The following CAMK2D variants were observed in gnomAD, a reference collection of about 807,000 sequenced individuals.
CAMK2D encodes the protein calcium/calmodulin-dependent protein kinase type II subunit delta.
In CAMK2D, 37 loss-of-function variants were observed where a neutral mutation model predicts 84.0. The ratio of observed to expected loss-of-function variants is 0.44; its 90% CI spans 0.34 to 0.58. The LOEUF (loss-of-function observed/expected upper bound fraction) is 0.58, where lower values mean the gene tolerates loss of function less well. Ranked by LOEUF, CAMK2D falls within the 20% of genes least tolerant of loss-of-function variation. The probability of loss-of-function intolerance (pLI) is 0.02; values close to 1 mark genes in which losing one functional copy is unlikely to be tolerated. For synonymous variants in CAMK2D, 202 were observed against 212.5 expected (o/e 0.95, Z 0.43); for missense variants, 448 against 652.5 (o/e 0.69, Z 3.41).
At chr4:113,622,813 G>T (rs2099051721) in intron 3 of CAMK2D, among the ~76,000 whole-genome samples, 1 of 152,128 alleles carries the variant, frequency 6.6e-6, no homozygotes, top group African/African-American at 2.4e-5. Flanking sequence ...ATGGCCAAAA[G>T]AACACATGTC....
At chr4:113,553,865 C>CT (rs2098646530) in intron 4 of CAMK2D, among the ~76,000 whole-genome samples, 1 of 152,128 alleles carries the variant, frequency 6.6e-6, no homozygotes, top group Admixed American at 6.6e-5. Flanking sequence ...ACAAAAAACA[C>CT]TTTCAACAAG....
intron 4 of CAMK2D, among the ~76,000 whole-genome samples, chr4:113,558,946 C>A (rs1254537077): frequency 1.3e-5 from 2 of 152,082 alleles, no homozygotes; most frequent in Non-Finnish European, 2.9e-5. Flanking sequence ...CGTACCACTG[C>A]ACTCCAGCCT....
intron 4 of CAMK2D, among the ~76,000 whole-genome samples, chr4:113,571,486 C>T (rs1396564034): frequency 6.6e-6 from 1 of 152,106 alleles, no homozygotes; most frequent in East Asian, 1.9e-4. Flanking sequence ...TTTGTAAAAA[C>T]ATGGATGGCC....
intron 4 of CAMK2D, among the ~76,000 whole-genome samples, chr4:113,560,743 A>T (rs1484738971): frequency 6.6e-6 from 1 of 152,190 alleles, no homozygotes. Context: ...GAAGGCTGGG[A>T]GTCTTGCTGC....
chr4:113,516,548 T>C (rs148684404), intron 9 of CAMK2D, among the ~76,000 whole-genome samples: 147 of 152,320 alleles, frequency 9.7e-4, no homozygotes, highest in East Asian at 5.6e-3. Context: ...TTCCAATTAC[T>C]AGTCTAGGAA....
At chr4:113,542,189 C>T (rs2098534568) in intron 6 of CAMK2D, among the ~76,000 whole-genome samples, 1 of 152,166 alleles carries the variant, frequency 6.6e-6, no homozygotes, top group African/African-American at 2.4e-5. Context: ...ACAGCTTCTC[C>T]ACTGCCTGAC....
At chr4:113,691,695 G>C (rs1202177069) in intron 2 of CAMK2D, among the ~76,000 whole-genome samples, 1 of 152,104 alleles carries the variant, frequency 6.6e-6, no homozygotes, top group Non-Finnish European at 1.5e-5. Flanking sequence ...AGAAGTTGCA[G>C]TGAGCTGAGA....
At chr4:113,522,259 G>C (rs967719987) in intron 8 of CAMK2D, among the ~76,000 whole-genome samples, 1 of 152,190 alleles carries the variant, frequency 6.6e-6, no homozygotes, top group African/African-American at 2.4e-5. Flanking sequence ...GAAGTTAATG[G>C]AAGAATCTAA....
intron 4 of CAMK2D, among the ~76,000 whole-genome samples, chr4:113,578,693 TAAC>T (rs34043705): frequency 0.72 from 109,830 of 151,766 alleles, 40,023 homozygotes; most frequent in Middle Eastern, 0.78. Flanking sequence ...GAGATAACTT[TAAC>T]AATACATAGA....
intron 2 of CAMK2D, among the ~76,000 whole-genome samples, chr4:113,722,115 C>T (rs1191492380): frequency 4.6e-5 from 7 of 152,130 alleles, no homozygotes; most frequent in African/African-American, 7.2e-5. Context: ...TTTCCATGTA[C>T]AAACTTAAGA....
intron 3 of CAMK2D, among the ~76,000 whole-genome samples, chr4:113,621,703 A>T (rs1422663148): frequency 6.6e-6 from 1 of 152,208 alleles, no homozygotes; most frequent in Non-Finnish European, 1.5e-5. Flanking sequence ...CTGGGGATAT[A>T]ACTGTGAACA....
chr4:113,644,345 A>C (rs922218840), intron 3 of CAMK2D, among the ~76,000 whole-genome samples: 12 of 152,242 alleles, frequency 7.9e-5, no homozygotes, highest in Non-Finnish European at 1.0e-4. Flanking sequence ...AGGAGTCAAA[A>C]TTATTCTAGA....
intron 11 of CAMK2D, 65 bp from the exon 12 acceptor site, chr4:113,513,435 A>G: frequency 1.0e-6 from 1 of 967,546 alleles, no homozygotes; most frequent in Non-Finnish European, 1.7e-6. Flanking sequence ...TAACAAATAT[A>G]GAGTCTTTGA....
At chr4:113,562,710 A>G (rs2098703896) in intron 4 of CAMK2D, among the ~76,000 whole-genome samples, 1 of 152,258 alleles carries the variant, frequency 6.6e-6, no homozygotes, top group African/African-American at 2.4e-5. Context: ...TTAATAATCA[A>G]TTGTTCATTG....
At chr4:113,665,748 T>C (rs1471730913) in intron 2 of CAMK2D, among the ~76,000 whole-genome samples, 1 of 152,220 alleles carries the variant, frequency 6.6e-6, no homozygotes, top group Non-Finnish European at 1.5e-5. Context: ...TACTCTTATA[T>C]GAATCAAAAT....
intron 5 of CAMK2D, among the ~76,000 whole-genome samples, chr4:113,549,780 GA>G (rs1425786449): frequency 6.6e-6 from 1 of 151,954 alleles, no homozygotes; most frequent in Non-Finnish European, 1.5e-5. Context: ...GAAAAATCTT[GA>G]ATTTAAAAAA....
intron 2 of CAMK2D, among the ~76,000 whole-genome samples, chr4:113,733,498 A>G (rs2099573885): frequency 6.6e-6 from 1 of 152,190 alleles, no homozygotes; most frequent in Non-Finnish European, 1.5e-5. Flanking sequence ...ACTTCTTTTC[A>G]GCCTGTGAGT....
chr4:113,474,215 G>C (rs944703329), intron 16 of CAMK2D, among the ~76,000 whole-genome samples: 1 of 152,198 alleles, frequency 6.6e-6, no homozygotes, highest in Admixed American at 6.5e-5. Flanking sequence ...ACCATTTCCA[G>C]TTAAGAGTTG....
chr4:113,551,512 T>C (rs932217221), intron 5 of CAMK2D, among the ~76,000 whole-genome samples: 7 of 152,214 alleles, frequency 4.6e-5, no homozygotes, highest in Admixed American at 3.9e-4. Context: ...CATTGTTCAG[T>C]AGAACTTTCT....
Sources: allele counts gnomAD v4.1 joint callset (sites outside exome capture counted in the v4.1 genomes callset), GRCh38; gene constraint gnomAD v4.1.1; transcripts MANE v1.5; gene names NCBI Gene and HGNC (gene_info 2026-07-23, HGNC 2026-07-21).